Variants in CMC1 observed in about 807,000 individuals in gnomAD.
CMC1 encodes C-X9-C motif containing 1.
A neutral mutation model predicts 14.1 loss-of-function variants in CMC1; 14 were observed. The ratio of observed to expected loss-of-function variants is 0.99; its 90% CI spans 0.66 to 1.55. The LOEUF (loss-of-function observed/expected upper bound fraction) is 1.55. CMC1 is among the 40% of genes most tolerant of loss of function. The pLI, the probability that CMC1 is intolerant of heterozygous loss-of-function variation, is 0.00. For missense variants in CMC1, 127 were observed against 123.8 expected (o/e 1.03, Z -0.12); for synonymous variants, 50 against 38.4 (o/e 1.30, Z -1.12).
chr3:28,246,395 T>G (rs1232356596), intron 1 of CMC1, among the ~76,000 whole-genome samples: 1 of 152,120 alleles, frequency 6.6e-6, no homozygotes, highest in Non-Finnish European at 1.5e-5. Flanking sequence ...GGTTGGGGGT[T>G]GGGATTTCAG....
intron 2 of CMC1, among the ~76,000 whole-genome samples, chr3:28,315,671 A>G (rs751151760): frequency 6.6e-6 from 1 of 152,186 alleles, no homozygotes; most frequent in Non-Finnish European, 1.5e-5. Context: ...GTTTAGGTCA[A>G]TGACAGACTA....
At chr3:28,256,705 G>T (rs1010483198) in intron 1 of CMC1, among the ~76,000 whole-genome samples, 3 of 152,148 alleles carry the variant, frequency 2.0e-5, no homozygotes, top group African/African-American at 7.2e-5. Flanking sequence ...TAAGGGAGGA[G>T]AGTCATAGGC....
intron 1 of CMC1, among the ~76,000 whole-genome samples, chr3:28,249,629 G>A (rs907287229): frequency 5.3e-5 from 8 of 152,090 alleles, no homozygotes; most frequent in African/African-American, 1.4e-4. Flanking sequence ...CTGGTCTGGG[G>A]TGGGGCCCAA....
rs1470536262 is a variant in CMC1, at chr3:28,320,356, G to A, written c.*727G>A. On this transcript the variant is annotated 3_prime_UTR_variant, in exon 4 of 4. Transcript: ENST00000466830. ...AGCTTCTGGCAAGGGTTTTCATACT[G>A]CATCAAAACATAATAGGGTGTAAAA... The A allele has an allele frequency of 6.6e-6, 1 of 151,498 alleles. No homozygotes were observed. The highest frequency in any genetic ancestry group is 6.6e-5 in the Admixed American group (1 of 15,140). The allele number at this position is 151,498 out of a possible 1,614,324, so 9.4% of individuals were successfully genotyped here. A position where few individuals can be genotyped will look rare whatever the true frequency, so the allele number is the denominator to read the frequency against.
intron 2 of CMC1, among the ~76,000 whole-genome samples, chr3:28,282,647 T>G (rs1700958735): frequency 6.6e-6 from 1 of 152,194 alleles, no homozygotes; most frequent in African/African-American, 2.4e-5. Flanking sequence ...AATCTGAAAG[T>G]TCACATTGTC....
At chr3:28,317,058 T>TA (rs1702961348) in intron 3 of CMC1, 1 of 152,126 alleles carries the variant, frequency 6.6e-6, no homozygotes, top group Non-Finnish European at 1.5e-5. Context: ...TTAGTAAGTA[T>TA]TGTTAATTGA....
chr3:28,268,831 C>A (rs771507945), intron 2 of CMC1, among the ~76,000 whole-genome samples: 4 of 152,158 alleles, frequency 2.6e-5, no homozygotes, highest in Non-Finnish European at 4.4e-5. Context: ...ATCATAAATA[C>A]AGCTGAATTA....
At chr3:28,292,216 C>A (rs1442353449) in intron 2 of CMC1, among the ~76,000 whole-genome samples, 2 of 152,118 alleles carry the variant, frequency 1.3e-5, no homozygotes, top group African/African-American at 2.4e-5. Context: ...AATACTATCA[C>A]CCTTTTATGG....
chr3:28,320,160 G>C lies in CMC1; in HGVS notation c.*531G>C, dbSNP rs1478208259. 2 of 151,760 alleles carry C rather than the reference G, an allele frequency of 1.3e-5. No individual in the cohort carries two copies. Among genetic ancestry groups the C allele is most frequent in the East Asian group, 1.9e-4 (1 of 5,176 alleles). The allele number at this position is 151,760 out of a possible 1,614,324, so 9.4% of individuals were successfully genotyped here. A position where few individuals can be genotyped will look rare whatever the true frequency, so the allele number is the denominator to read the frequency against. Reference sequence around the variant, plus strand: ...AGGTACACGTACAGTGTATAAGACAGTGCTTCAGACCTGGTACATGCTCTT... The same window carrying C: ...AGGTACACGTACAGTGTATAAGACACTGCTTCAGACCTGGTACATGCTCTT... On this transcript the variant is annotated 3_prime_UTR_variant, in exon 4 of 4. Coordinates refer to ENST00000466830, the MANE Select transcript of CMC1 (RefSeq NM_182523.2).
intron 2 of CMC1, among the ~76,000 whole-genome samples, chr3:28,275,926 G>T (rs978696018): frequency 2.6e-5 from 4 of 152,288 alleles, no homozygotes; most frequent in Non-Finnish European, 5.9e-5. Context: ...TCTGCTGTGG[G>T]AAATTCCTCC....
At chr3:28,267,437 C>G (rs866037885) in intron 2 of CMC1, among the ~76,000 whole-genome samples, 1 of 152,116 alleles carries the variant, frequency 6.6e-6, no homozygotes, top group Admixed American at 6.6e-5. Context: ...ATTTTGTCAT[C>G]AGGGATGGGC....
At chr3:28,262,306 G>T (rs182377998) in intron 1 of CMC1, among the ~76,000 whole-genome samples, 33 of 152,100 alleles carry the variant, frequency 2.2e-4, no homozygotes, top group Non-Finnish European at 3.8e-4. Flanking sequence ...TCAGGTCTTT[G>T]TATTTGCCTC....
At chr3:28,251,624 A>G (rs1699129265) in intron 1 of CMC1, among the ~76,000 whole-genome samples, 1 of 152,254 alleles carries the variant, frequency 6.6e-6, no homozygotes, top group Non-Finnish European at 1.5e-5. Flanking sequence ...ATTTGAGCAA[A>G]GGCTGAGTCT....
intron 2 of CMC1, among the ~76,000 whole-genome samples, chr3:28,286,092 G>A (rs760011559): frequency 7.2e-5 from 11 of 151,846 alleles, no homozygotes; most frequent in Non-Finnish European, 1.2e-4. Context: ...ACCTTTTTTG[G>A]TACATACATT....
At chr3:28,318,224 C>A (rs780168256) in intron 3 of CMC1, 1 of 151,814 alleles carries the variant, frequency 6.6e-6, no homozygotes, top group Non-Finnish European at 1.5e-5. Flanking sequence ...CTCTTACTTT[C>A]ATTTTTTTCC....
chr3:28,253,069 G>C (rs1051740630), intron 1 of CMC1, among the ~76,000 whole-genome samples: 6 of 152,110 alleles, frequency 3.9e-5, no homozygotes. Flanking sequence ...ATTTTACTCT[G>C]TCGTTATAGC....
intron 2 of CMC1, among the ~76,000 whole-genome samples, chr3:28,289,498 C>T (rs1250576081): frequency 1.3e-5 from 2 of 151,816 alleles, no homozygotes; most frequent in Non-Finnish European, 2.9e-5. Flanking sequence ...CATTTAGGGT[C>T]GTATTTTGGT....
intron 2 of CMC1, among the ~76,000 whole-genome samples, chr3:28,267,226 A>C (rs1700052378): frequency 6.6e-6 from 1 of 152,142 alleles, no homozygotes; most frequent in Non-Finnish European, 1.5e-5. Context: ...TAGTATTAAT[A>C]CATTTTTCTC....
chr3:28,291,328 C>T (rs1701459413), intron 2 of CMC1, among the ~76,000 whole-genome samples: 1 of 152,180 alleles, frequency 6.6e-6, no homozygotes, highest in South Asian at 2.1e-4. Context: ...AAAATAGTTG[C>T]CTACCATGCC....
Sources: gnomAD v4.1 joint callset for allele counts (sites outside exome capture counted in the v4.1 genomes callset) on GRCh38, gnomAD v4.1.1 for gene constraint, MANE v1.5 for transcripts, NCBI Gene and HGNC (gene_info 2026-07-23, HGNC 2026-07-21) for gene names.